PADI4: variants seen among roughly 807,000 people sequenced by gnomAD.
The protein encoded by PADI4 is protein-arginine deiminase type-4.
In PADI4, 62 loss-of-function variants were observed where a neutral mutation model predicts 75.0. The observed-to-expected ratio is 0.83, with a 90% CI of 0.67 to 1.02. The LOEUF is 1.02. Ranked by LOEUF, PADI4 falls within the 50% of genes least tolerant of loss-of-function variation. The probability of loss-of-function intolerance (pLI) is 0.00; values close to 1 mark genes in which losing one functional copy is unlikely to be tolerated. For missense variants in PADI4, 845 were observed against 850.5 expected, an observed-to-expected ratio of 0.99 and a Z score of 0.08; for synonymous variants, 361 against 348.1, an observed-to-expected ratio of 1.04 and a Z score of -0.41.
rs1455504048 is a variant in PADI4, at chr1:17,346,889, A to T, written c.1047+750A>T. Among the ~76,000 whole-genome samples the T allele has an allele frequency of 6.6e-6, 1 of 150,648 alleles. No homozygotes were observed. The highest frequency in any genetic ancestry group is 1.5e-5 in the Non-Finnish European group (1 of 67,742). On this transcript the variant is annotated intron_variant, in intron 9 of 15. Coordinates refer to ENST00000375448, the MANE Select transcript of PADI4 (RefSeq NM_012387.3). The surrounding 1 kb of genome is among the most constrained non-coding windows in gnomAD (Gnocchi z 4.3). ...CCCCCATCACCCCCAGCAGGAATTC[A>T]TCCCTCTTTCTTTTCACCCCCACAC...
intron 1 of PADI4, among the ~76,000 whole-genome samples, chr1:17,308,541 G>C (rs2501798): frequency 0.93 from 142,234 of 152,200 alleles, 67,197 homozygotes; most frequent in East Asian, 1. Flanking sequence ...AGGAACACAC[G>C]ACAGATAAAT....
At chr1:17,340,339 G>A (rs138993831) in intron 6 of PADI4, among the ~76,000 whole-genome samples, 1,703 of 152,244 alleles carry the variant, frequency 0.011, 21 homozygotes, top group Non-Finnish European at 0.018. Context: ...TGTGTCCAAC[G>A]CTGTGACATG....
chr1:17,358,882 T>C lies in PADI4; in HGVS notation c.1603T>C (p.Leu535=). ...AAAGAACATTCTGTCAAACAAGACATTGAGAGAACATAATTCATTTGTGGA... is the reference window on the plus strand; with the variant it reads ...AAAGAACATTCTGTCAAACAAGACACTGAGAGAACATAATTCATTTGTGGA... ...KIKNILSNKT[L]REHNSFVERC... Residue 535 remains leucine (L), a synonymous_variant, in exon 14 of 16, where the codon TTG becomes CTG. Coordinates refer to ENST00000375448, the MANE Select transcript of PADI4 (RefSeq NM_012387.3). The C allele has an allele frequency of 6.2e-7, 1 of 1,607,628 alleles. No homozygotes were observed.
At position 17,331,027 on chromosome 1, in the gene PADI4, G is replaced by T; in HGVS notation, c.151G>T (p.Asp51Tyr). 2 of 1,608,080 alleles carry T rather than the reference G, an allele frequency of 1.2e-6. No individual in the cohort carries two copies. The highest frequency in any genetic ancestry group is 1.7e-6 in the Non-Finnish European group (2 of 1,177,352). ...SINASPGVVV[D>Y]IAHGPPAKKK... ...CAACGCCTCCCCAGGGGTGGTCGTG[G>T]ATATTGCCCACGGCCCTCCAGCCAA... Residue 51 changes from aspartate (D) to tyrosine (Y), a missense_variant, in exon 2 of 16, where the codon GAT becomes TAT. Asp to Tyr is a radical substitution (Grantham distance 160). Coordinates refer to ENST00000375448, the MANE Select transcript of PADI4 (RefSeq NM_012387.3).
At chr1:17,309,059 G>A (rs1188271915) in intron 1 of PADI4, among the ~76,000 whole-genome samples, 4 of 151,776 alleles carry the variant, frequency 2.6e-5, no homozygotes, top group East Asian at 1.9e-4. Flanking sequence ...GAATGCTCTC[G>A]GGGAGTGTGC....
intron 15 of PADI4, 109 bp from the exon 16 acceptor site, chr1:17,363,413 A>G: frequency 2.8e-6 from 2 of 721,108 alleles, no homozygotes; most frequent in Admixed American, 2.4e-5. Context: ...CTGAGCCACC[A>G]CCCCTGGAGG....
rs899308487 is a variant in PADI4 at position 17,363,930 on chromosome 1, A to G, written c.*175A>G. 2.1e-5 allele frequency: 12 copies of G among 578,942 alleles called. No homozygotes were observed. In the Admixed American group the frequency reaches 3.3e-4, roughly 16 times the overall value. 35.9% of individuals were successfully genotyped at this position (578,942 alleles called of 1,614,324 possible). ...AGTTTCCCACTCTGAAGATCCCAAC[A>G]TGGTCCTAGCACTGCACACTCAGTT... is the stretch of plus-strand genomic sequence containing the variant. On this transcript the variant is annotated 3_prime_UTR_variant, in exon 16 of 16. Coordinates refer to ENST00000375448, the MANE Select transcript of PADI4 (RefSeq NM_012387.3).
chr1:17,354,198 A>G (rs535844131), intron 10 of PADI4, among the ~76,000 whole-genome samples: 1 of 152,106 alleles, frequency 6.6e-6, no homozygotes, highest in Non-Finnish European at 1.5e-5. Context: ...GGCTGAGATC[A>G]TGCCACGGCC....
chr1:17,315,567 C>A (rs1367202218), intron 1 of PADI4, among the ~76,000 whole-genome samples: 1 of 150,586 alleles, frequency 6.6e-6, no homozygotes, highest in Non-Finnish European at 1.5e-5. Context: ...CACCACCATC[C>A]CTTACAGCGC....
In PADI4 at chr1:17,346,200, A is replaced by C; in HGVS notation, c.1047+61A>C. 5 of 1,112,332 alleles carry C rather than the reference A, an allele frequency of 4.5e-6. No homozygotes were observed. The highest frequency in any genetic ancestry group is 2.6e-5 in the South Asian group (2 of 77,958). 68.9% of individuals were successfully genotyped at this position (1,112,332 alleles called of 1,614,324 possible). ...CTGAGGGCCAAGAGACACTTGGGGG[A>C]CCCGGGCTCCTGGGGTTCAGCCTGG... On this transcript the variant is annotated intron_variant, in intron 9 of 15. Coordinates refer to ENST00000375448, the MANE Select transcript of PADI4 (RefSeq NM_012387.3). The surrounding 1 kb of genome is among the most constrained non-coding windows in gnomAD (Gnocchi z 4.3).
At chr1:17,326,011 T>C (rs961028686) in intron 1 of PADI4, among the ~76,000 whole-genome samples, 1 of 152,152 alleles carries the variant, frequency 6.6e-6, no homozygotes. Context: ...GCCCCATGTT[T>C]CTGACTTTAA....
Position 17,359,290 on chromosome 1 carries a change from A to T in PADI4, c.1640A>T (p.Asp547Val). ...EHNSFVERCI[D>V]WNRELLKREL... ...TGCCCCTTCCCCAAGAGATGCATCG[A>T]CTGGAACCGCGAGCTGCTGAAGCGG... Residue 547 changes from aspartate (D) to valine (V), a missense_variant, in exon 15 of 16, where the codon GAC becomes GTC. Coordinates refer to ENST00000375448, the MANE Select transcript of PADI4 (RefSeq NM_012387.3). 1 of 1,569,628 alleles carries T rather than the reference A, an allele frequency of 6.4e-7. No homozygotes were observed. Among genetic ancestry groups the T allele is most frequent in the Non-Finnish European group, 8.7e-7 (1 of 1,155,612 alleles).
At position 17,354,465 on chromosome 1, in the gene PADI4, T is replaced by A. The variant is rs544677950; in HGVS notation, c.1156-68T>A. The A allele has an allele frequency of 7.7e-6, 11 of 1,435,962 alleles. No homozygotes were observed. In the African/African-American group the frequency reaches 1.4e-4, roughly 18 times the overall value. The allele number at this position is 1,435,962 out of a possible 1,614,324, so 89.0% of individuals were successfully genotyped here. On this transcript the variant is annotated intron_variant, in intron 10 of 15. Transcript: ENST00000375448. ...CTGTGCCCAAGTTCATCTCTAAACTTGGACCCCCCGACCCTTCACCAGGGA... is the reference window on the plus strand; with the variant it reads ...CTGTGCCCAAGTTCATCTCTAAACTAGGACCCCCCGACCCTTCACCAGGGA...
At chr1:17,340,117 G>A (rs1306385496) in intron 6 of PADI4, among the ~76,000 whole-genome samples, 1 of 151,890 alleles carries the variant, frequency 6.6e-6, no homozygotes, top group Non-Finnish European at 1.5e-5. Flanking sequence ...CTGACAGCAT[G>A]TGGCATGTAA....
intron 3 of PADI4, 148 bp downstream of exon 3, chr1:17,334,157 G>A: frequency 1.6e-6 from 1 of 630,502 alleles, no homozygotes; most frequent in South Asian, 1.9e-5. Flanking sequence ...TCAGACATCT[G>A]GGAGTTCGAA....
intron 1 of PADI4, among the ~76,000 whole-genome samples, chr1:17,308,520 G>A (rs2073715401): frequency 6.6e-6 from 1 of 152,130 alleles, no homozygotes; most frequent in African/African-American, 2.4e-5. Flanking sequence ...ATGTACAAGT[G>A]CAAATTCCCC....
rs2073866168 is a variant in PADI4 at position 17,313,032 on chromosome 1, A to C, written c.92+4718A>C. ...TGGTGAAACCCTGTCTCTACTAAAA[A>C]TACAAAAATTAGCTGAGCATGGTGG... On this transcript the variant is annotated intron_variant, in intron 1 of 15. Transcript: ENST00000375448. 2.0e-5 allele frequency among the ~76,000 whole-genome samples: 3 copies of C among 152,052 alleles called. No individual in the cohort carries two copies. The South Asian group carries it at 6.2e-4, about 31-fold the overall frequency.
intron 1 of PADI4, among the ~76,000 whole-genome samples, chr1:17,324,976 G>T (rs1162293026): frequency 6.6e-6 from 1 of 152,064 alleles, no homozygotes; most frequent in African/African-American, 2.4e-5. Context: ...CTTTGTCTTG[G>T]CCTGAGCCAT....
In PADI4 at chr1:17,358,438, G is replaced by C. The variant is rs1434988750; in HGVS notation, c.1559-400G>C. Among the ~76,000 whole-genome samples the C allele has an allele frequency of 7.5e-5, 4 of 53,044 alleles. 1 individual carries two copies. The highest frequency in any genetic ancestry group is 6.3e-4 in the Admixed American group (4 of 6,338). 34.8% of individuals were successfully genotyped at this position (53,044 alleles called of 152,430 possible). On this transcript the variant is annotated intron_variant, in intron 13 of 15. Transcript: ENST00000375448. Reference sequence around the variant, plus strand: ...AAAAATTAGCCGGGCGAGGTGGCGGGCGCCTGTAGTCCCAGCTACTCCGGA... The same window carrying C: ...AAAAATTAGCCGGGCGAGGTGGCGGCCGCCTGTAGTCCCAGCTACTCCGGA...
Sources: allele counts gnomAD v4.1 joint callset (sites outside exome capture counted in the v4.1 genomes callset), GRCh38; gene constraint gnomAD v4.1.1; non-coding constraint Gnocchi (gnomAD v3.1); transcripts MANE v1.5; gene names NCBI Gene and HGNC (gene_info 2026-07-23, HGNC 2026-07-21).